The following RYR2 variants were observed in gnomAD, a reference collection of about 807,000 sequenced individuals.
The protein encoded by RYR2 is ryanodine receptor 2.
A neutral mutation model predicts 601.1 loss-of-function variants in RYR2; 227 were observed. That is an observed-to-expected ratio of 0.38 (90% CI 0.34 to 0.42). The LOEUF is 0.42. RYR2 is among the 10% of genes least tolerant of loss of function. RYR2 has a pLI of 1.00. For synonymous variants in RYR2, 2,223 were observed against 2,175.1 expected, an observed-to-expected ratio of 1.02 and a Z score of -0.61; for missense variants, 4,646 against 6,156.5, an observed-to-expected ratio of 0.75 and a Z score of 8.21.
intron 2 of RYR2, among the ~76,000 whole-genome samples, chr1:237,300,063 T>C (rs939078570): frequency 1.1e-4 from 16 of 152,200 alleles, no homozygotes; most frequent in African/African-American, 3.4e-4. Context: ...AAACCCAGAT[T>C]TGAGGCCCGA....
chr1:237,654,490 C>A, intron 52 of RYR2, 76 bp downstream of exon 52: 1 of 1,418,840 alleles, frequency 7.0e-7, no homozygotes, highest in Admixed American at 2.1e-5. Flanking sequence ...AGATAGTATT[C>A]CTAGTTGAAT....
chr1:237,346,901 C>G (rs1698359080), intron 3 of RYR2, among the ~76,000 whole-genome samples: 1 of 152,124 alleles, frequency 6.6e-6, no homozygotes, highest in Non-Finnish European at 1.5e-5. Flanking sequence ...AATGTCATGT[C>G]TGTCTGTTCT....
At chr1:237,202,060 C>T (rs1249100180) in intron 1 of RYR2, among the ~76,000 whole-genome samples, 1 of 152,110 alleles carries the variant, frequency 6.6e-6, no homozygotes, top group Non-Finnish European at 1.5e-5. Flanking sequence ...CTGGGGTAGA[C>T]AGAAACCTTA....
intron 2 of RYR2, among the ~76,000 whole-genome samples, chr1:237,312,036 T>C (rs1694623549): frequency 6.6e-6 from 1 of 152,324 alleles, no homozygotes; most frequent in East Asian, 1.9e-4. Flanking sequence ...ATTGCACTGA[T>C]TCTGTTTCAA....
chr1:237,544,834 T>C (rs1433800026), intron 25 of RYR2, among the ~76,000 whole-genome samples: 4 of 152,194 alleles, frequency 2.6e-5, no homozygotes, highest in Non-Finnish European at 4.4e-5. Flanking sequence ...TAATTCATAC[T>C]GGTGAAACAT....
chr1:237,173,851 T>TGG (rs1677699737), intron 1 of RYR2, among the ~76,000 whole-genome samples: 1 of 120,148 alleles, frequency 8.3e-6, no homozygotes, highest in Non-Finnish European at 2.1e-5. Flanking sequence ...GGTCAGGAGA[T>TGG]CGAGACCATC....
intron 35 of RYR2, among the ~76,000 whole-genome samples, chr1:237,604,951 G>T (rs1217959871): frequency 6.6e-6 from 1 of 152,082 alleles, no homozygotes; most frequent in Non-Finnish European, 1.5e-5. Context: ...ACCAAAAAAA[G>T]TCCAGGACCA....
At chr1:237,144,585 G>A (rs1421293725) in intron 1 of RYR2, among the ~76,000 whole-genome samples, 1 of 152,192 alleles carries the variant, frequency 6.6e-6, no homozygotes, top group Non-Finnish European at 1.5e-5. Context: ...ATATTTCAAA[G>A]AGATAAGAAA....
rs185350004 is a variant in RYR2 at position 237,367,197 on chromosome 1, C to G, written c.310-2337C>G. 6.1e-3 allele frequency among the ~76,000 whole-genome samples: 926 copies of G among 152,094 alleles called. 7 individuals carry two copies. Among genetic ancestry groups the G allele is most frequent in the Non-Finnish European group, 8.5e-3 (578 of 67,970 alleles). ...CAACCTCTGCCTCCCGGGTTCAAGC[C>G]ATTCTTCTGTCTCAGCCTCCTGAAA... is the stretch of plus-strand genomic sequence containing the variant. On this transcript the variant is annotated intron_variant, in intron 5 of 104. Transcript: ENST00000366574.
intron 44 of RYR2, among the ~76,000 whole-genome samples, chr1:237,636,281 T>C (rs1298412988): frequency 2.6e-5 from 4 of 152,154 alleles, no homozygotes; most frequent in Non-Finnish European, 5.9e-5. Context: ...GTTTTTCCTC[T>C]GTTGTTAACT....
chr1:237,282,037 A>G (rs1039882431), intron 2 of RYR2, among the ~76,000 whole-genome samples: 4 of 152,290 alleles, frequency 2.6e-5, no homozygotes, highest in Admixed American at 1.3e-4. Flanking sequence ...TATAGAGTAT[A>G]TACTGCAGAG....
intron 12 of RYR2, among the ~76,000 whole-genome samples, chr1:237,426,432 G>C (rs1235298124): frequency 6.6e-6 from 1 of 152,106 alleles, no homozygotes; most frequent in Non-Finnish European, 1.5e-5. Flanking sequence ...CCCATTATGG[G>C]GACATGGGCT....
intron 25 of RYR2, among the ~76,000 whole-genome samples, chr1:237,534,074 C>T (rs142815271): frequency 2.6e-5 from 4 of 152,132 alleles, no homozygotes; most frequent in African/African-American, 7.2e-5. Context: ...TTATGATATA[C>T]AGCTATAAGA....
Position 237,042,439 on chromosome 1 carries a change from A to C in RYR2, c.-83A>C. The C allele has an allele frequency of 8.4e-7, 1 of 1,195,052 alleles. No individual in the cohort carries two copies. Among genetic ancestry groups the C allele is most frequent in the Non-Finnish European group, 1.1e-6 (1 of 949,050 alleles). 74.0% of individuals were successfully genotyped at this position (1,195,052 alleles called of 1,614,324 possible). A position where few individuals can be genotyped will look rare whatever the true frequency, so the allele number is the denominator to read the frequency against. On this transcript the variant is annotated 5_prime_UTR_variant, in exon 1 of 105. Transcript: ENST00000366574. ...CCAGCCCCCGGCTCCCGGCAGCAGA[A>C]GCAGAAGGCAGCGCCAGGGGCCGCC...
chr1:237,603,800 C>A (rs1676786664), intron 35 of RYR2, among the ~76,000 whole-genome samples: 1 of 152,078 alleles, frequency 6.6e-6, no homozygotes, highest in African/African-American at 2.4e-5. Flanking sequence ...GACTTTAAAC[C>A]AACAAAGATC....
At chr1:237,487,924 T>C (rs747932005) in intron 17 of RYR2, among the ~76,000 whole-genome samples, 9 of 152,034 alleles carry the variant, frequency 5.9e-5, no homozygotes, top group Non-Finnish European at 1.2e-4. Context: ...CCTGATAGAA[T>C]TGAAAAACAA....
intron 7 of RYR2, among the ~76,000 whole-genome samples, chr1:237,375,960 AG>A (rs1415454406): frequency 6.6e-6 from 1 of 152,120 alleles, no homozygotes; most frequent in Admixed American, 6.5e-5. Context: ...TTTTTCCCGT[AG>A]TTCCCTACCT....
rs1415790526 is a variant in RYR2, at chr1:237,406,199, C to T, written c.774-10850C>T. ...CCTCCCCTCCCCTCCCCTTCCCTTC[C>T]CTCCCCTCCCTTCCCCTCCCCTCCC... is the stretch of plus-strand genomic sequence containing the variant. On this transcript the variant is annotated intron_variant, in intron 10 of 104. Transcript: ENST00000366574. Among the ~76,000 whole-genome samples the T allele has an allele frequency of 2.0e-3, 174 of 85,632 alleles. 6 individuals are homozygous for T. The highest frequency in any genetic ancestry group is 7.7e-3 in the African/African-American group (157 of 20,464). 56.2% of individuals were successfully genotyped at this position (85,632 alleles called of 152,430 possible). A position where few individuals can be genotyped will look rare whatever the true frequency, so the allele number is the denominator to read the frequency against.
chr1:237,430,914 C>A (rs1163398216), intron 12 of RYR2, among the ~76,000 whole-genome samples: 1 of 152,148 alleles, frequency 6.6e-6, no homozygotes, highest in Non-Finnish European at 1.5e-5. Flanking sequence ...TCTGTGATTT[C>A]TGCTCAGGGA....
Sources: gnomAD v4.1 joint callset for allele counts (sites outside exome capture counted in the v4.1 genomes callset) on GRCh38, gnomAD v4.1.1 for gene constraint, MANE v1.5 for transcripts, NCBI Gene and HGNC (gene_info 2026-07-23, HGNC 2026-07-21) for gene names.